The following RFLNA variants were observed in gnomAD, a reference collection of about 807,000 sequenced individuals.
The protein encoded by RFLNA is refilin A, also known as refilin-A.
In RFLNA, 5 loss-of-function variants were observed where a neutral mutation model predicts 7.8. The observed-to-expected ratio is 0.64, with a 90% CI of 0.34 to 1.35. The LOEUF is 1.35. RFLNA is among the 40% of genes most tolerant of loss of function. RFLNA has a pLI of 0.04. For missense variants in RFLNA, 278 were observed against 305.5 expected, an observed-to-expected ratio of 0.91 and a Z score of 0.67; for synonymous variants, 141 against 131.3, an observed-to-expected ratio of 1.07 and a Z score of -0.50.
chr12:124,307,351 A>T (rs1427164575), intron 1 of RFLNA, among the ~76,000 whole-genome samples: 1 of 151,914 alleles, frequency 6.6e-6, no homozygotes. Flanking sequence ...GGGGAAAGGG[A>T]GCTTCTTCCC....
chr12:124,301,076 C>T lies in RFLNA; in HGVS notation c.207+5440C>T, dbSNP rs556746210. On this transcript the variant is annotated intron_variant, in intron 1 of 2. Coordinates refer to ENST00000546355, the MANE Select transcript of RFLNA (RefSeq NM_001365156.1). ...CCCTGGCAGGCTTACAGGTGTGTTCCTGTGAAGGTGTCTGAGCAAGCTAAG... is the reference window on the plus strand; with the variant it reads ...CCCTGGCAGGCTTACAGGTGTGTTCTTGTGAAGGTGTCTGAGCAAGCTAAG... Among the ~76,000 whole-genome samples the T allele has an allele frequency of 2.6e-5, 4 of 152,268 alleles. No individual in the cohort carries two copies. The South Asian group carries it at 6.2e-4, about 24-fold the overall frequency.
chr12:124,314,142 G>A (rs77026273), intron 2 of RFLNA, 50 bp from the exon 3 acceptor site: 18,947 of 1,567,108 alleles, frequency 0.012, 166 homozygotes, highest in Non-Finnish European at 0.014. Flanking sequence ...GCAGGGAATC[G>A]GGCTGCCCCC....
intron 1 of RFLNA, among the ~76,000 whole-genome samples, chr12:124,300,760 ATGGATGGATGGATTGAC>A (rs2034017617): frequency 7.2e-6 from 1 of 139,518 alleles, no homozygotes; most frequent in African/African-American, 2.8e-5. Context: ...GGATGGATGG[ATGGATGGATGGATTGAC>A]GGATGGATGG....
At chr12:124,297,146 T>A (rs10773079) in intron 1 of RFLNA, among the ~76,000 whole-genome samples, 2 of 152,060 alleles carry the variant, frequency 1.3e-5, no homozygotes, top group South Asian at 2.1e-4. Context: ...AAAAACGACC[T>A]GGAATCCGCC....
rs143646307 is a variant in RFLNA at position 124,307,536 on chromosome 12, C to A, written c.208-4282C>A. Among the ~76,000 whole-genome samples the A allele has an allele frequency of 9.7e-4, 148 of 152,306 alleles. 1 individual carries two copies. Among genetic ancestry groups the A allele is most frequent in the African/African-American group, 3.3e-3 (139 of 41,558 alleles). On this transcript the variant is annotated intron_variant, in intron 1 of 2. Transcript: ENST00000546355. ...CTGACACCTGCTTAGCCCCTCTCTC[C>A]CATTCCCCTGGAAGGACTCCCCTCA...
At chr12:124,314,146 T>G in intron 2 of RFLNA, 46 bp from the exon 3 acceptor site, 1 of 1,575,060 alleles carries the variant, frequency 6.3e-7, no homozygotes, top group East Asian at 2.3e-5. Context: ...GGAATCGGGC[T>G]GCCCCCAATC....
chr12:124,309,464 T>G (rs2034198649), intron 1 of RFLNA, among the ~76,000 whole-genome samples: 1 of 152,202 alleles, frequency 6.6e-6, no homozygotes, highest in South Asian at 2.1e-4. Context: ...GCGCAGTGGG[T>G]GAGCTGAACG....
intron 1 of RFLNA, among the ~76,000 whole-genome samples, chr12:124,296,072 T>TTTCTTTCTTTCTTTC (rs2033904091): frequency 4.2e-5 from 4 of 94,722 alleles, no homozygotes; most frequent in South Asian, 3.9e-4. Context: ...TGTGAAAGCC[T>TTTCTTTCTTTCTTTC]TTTCTTTCTT....
In RFLNA at chr12:124,314,956, G is replaced by C. The variant is rs1395486558; in HGVS notation, c.*431G>C. On this transcript the variant is annotated 3_prime_UTR_variant, in exon 3 of 3. Coordinates refer to ENST00000546355, the MANE Select transcript of RFLNA (RefSeq NM_001365156.1). ...GAGCCCTGCCACCCCATGTGTCCTA[G>C]GCTGGTGGCCAAGGCCATGTGTGAG... The C allele has an allele frequency of 8.7e-6, 3 of 346,504 alleles. No homozygotes were observed. In the East Asian group the frequency reaches 2.2e-4, roughly 26 times the overall value. 21.5% of individuals were successfully genotyped at this position (346,504 alleles called of 1,614,324 possible).
At chr12:124,308,432 G>T (rs1030996506) in intron 1 of RFLNA, among the ~76,000 whole-genome samples, 5 of 131,952 alleles carry the variant, frequency 3.8e-5, no homozygotes, top group African/African-American at 7.8e-5. Context: ...CATGGGCTTT[G>T]GGGGGGGACC....
intron 1 of RFLNA, among the ~76,000 whole-genome samples, chr12:124,296,261 G>A (rs2033925463): frequency 6.8e-6 from 1 of 146,268 alleles, no homozygotes; most frequent in Non-Finnish European, 1.5e-5. Context: ...AAGGCATGTT[G>A]ACGTGGAGCT....
chr12:124,314,527 G>A lies in RFLNA; in HGVS notation c.*2G>A, dbSNP rs764935539. On this transcript the variant is annotated 3_prime_UTR_variant, in exon 3 of 3. Transcript: ENST00000546355. ...CTCCTGGGCCCTGCCACGCTCTGAC[G>A]GGGCTGGGGCCGGCCCGGGGTGCTG... The A allele has an allele frequency of 7.8e-5, 123 of 1,570,634 alleles. No homozygotes were observed. The highest frequency in any genetic ancestry group is 9.8e-5 in the Non-Finnish European group (114 of 1,164,950).
chr12:124,298,749 G>C (rs980230774), intron 1 of RFLNA, among the ~76,000 whole-genome samples: 2 of 152,224 alleles, frequency 1.3e-5, no homozygotes, highest in East Asian at 3.9e-4. Context: ...TGAGAGGTGA[G>C]CTTTAGGCAG....
At chr12:124,303,409 C>T (rs937863288) in intron 1 of RFLNA, among the ~76,000 whole-genome samples, 1 of 152,332 alleles carries the variant, frequency 6.6e-6, no homozygotes, top group East Asian at 1.9e-4. Context: ...CAACACCCTC[C>T]AGGGCCCGTC....
Position 124,310,329 on chromosome 12 carries a change from G to A in RFLNA, c.208-1489G>A, listed in dbSNP as rs74422282. ...GTTTTCTTGGGTTGGTGGAAGAGGG[G>A]AAAGGCCTGTGAGGCTGAGTCTGGC... is the stretch of plus-strand genomic sequence containing the variant. On this transcript the variant is annotated intron_variant, in intron 1 of 2. Transcript: ENST00000546355. 1.9e-3 allele frequency among the ~76,000 whole-genome samples: 283 copies of A among 152,082 alleles called. 2 individuals are homozygous for A. In the East Asian group the frequency reaches 0.032, roughly 17 times the overall value.
chr12:124,312,224 G>T (rs1446421873), intron 2 of RFLNA, among the ~76,000 whole-genome samples: 2 of 151,954 alleles, frequency 1.3e-5, no homozygotes. Flanking sequence ...CCTCCAAAAG[G>T]CTTTTATTTT....
At chr12:124,303,847 G>A (rs112245737) in intron 1 of RFLNA, among the ~76,000 whole-genome samples, 30 of 152,344 alleles carry the variant, frequency 2.0e-4, no homozygotes, top group African/African-American at 6.3e-4. Flanking sequence ...CAGACCGGCT[G>A]GGGGTGGGGG....
chr12:124,305,917 C>T (rs1209829761), intron 1 of RFLNA, among the ~76,000 whole-genome samples: 4 of 152,158 alleles, frequency 2.6e-5, no homozygotes, highest in Non-Finnish European at 5.9e-5. Flanking sequence ...GAGATGGGGC[C>T]ACCTCGAGGC....
Position 124,314,218 on chromosome 12 carries a change from C to G in RFLNA, c.344C>G (p.Ser115Trp). ...IRCNSEVKYA[S>W]EKHFQDKVFY... is the part of the protein sequence containing the mutation. Reference sequence around the variant, plus strand: ...TGCAACTCTGAGGTCAAGTACGCCTCGGAGAAGCATTTCCAGGACAAGGTC... The same window carrying G: ...TGCAACTCTGAGGTCAAGTACGCCTGGGAGAAGCATTTCCAGGACAAGGTC... The change falls in exon 3 of 3, where the codon TCG becomes TGG. Residue 115 changes from serine to tryptophan, a missense_variant. By Grantham distance (177) the Ser-to-Trp change is radical (BLOSUM62 -3). Coordinates refer to ENST00000546355, the MANE Select transcript of RFLNA (RefSeq NM_001365156.1). The G allele has an allele frequency of 6.2e-7, 1 of 1,612,972 alleles. No homozygotes were observed. Among genetic ancestry groups the G allele is most frequent in the Non-Finnish European group, 8.5e-7 (1 of 1,179,572 alleles).
Sources: allele counts gnomAD v4.1 joint callset (sites outside exome capture counted in the v4.1 genomes callset), GRCh38; gene constraint gnomAD v4.1.1; transcripts MANE v1.5; gene names NCBI Gene and HGNC (gene_info 2026-07-23, HGNC 2026-07-21).